Variants in EFCAB5 observed in about 807,000 individuals in gnomAD.
EFCAB5 encodes the protein EF-hand calcium binding domain 5.
EFCAB5 carries 131 observed loss-of-function variants against 167.9 expected under a neutral mutation model. The ratio of observed to expected loss-of-function variants is 0.78; its 90% CI spans 0.68 to 0.90. EFCAB5 has a LOEUF of 0.90. Among genes scored for constraint, EFCAB5 ranks in the 40% least tolerant of loss-of-function variants. The pLI, the probability that EFCAB5 is intolerant of heterozygous loss-of-function variation, is 0.00. For synonymous variants in EFCAB5, 574 were observed against 602.8 expected, an observed-to-expected ratio of 0.95 and a Z score of 0.70; for missense variants, 1,663 against 1,745.2, an observed-to-expected ratio of 0.95 and a Z score of 0.84.
chr17:30,042,499 A>G (rs1467765863), intron 8 of EFCAB5, among the ~76,000 whole-genome samples: 3 of 152,224 alleles, frequency 2.0e-5, no homozygotes, highest in African/African-American at 4.8e-5. Flanking sequence ...ATGATAGGAA[A>G]CATTATGAAC....
chr17:30,092,234 A>G, intron 21 of EFCAB5, 77 bp downstream of exon 21: 2 of 1,429,658 alleles, frequency 1.4e-6, no homozygotes, highest in Non-Finnish European at 1.9e-6. Flanking sequence ...TCATAATTGC[A>G]TAAATCATAA....
chr17:29,946,481 G>C (rs537847164), intron 3 of EFCAB5, among the ~76,000 whole-genome samples: 2 of 136,442 alleles, frequency 1.5e-5, no homozygotes, highest in East Asian at 4.2e-4. Context: ...CTGTCACCCA[G>C]GCTGGAGTGC....
At chr17:30,081,062 G>A (rs983606005) in intron 17 of EFCAB5, 81 bp downstream of exon 17, 7 of 1,094,830 alleles carry the variant, frequency 6.4e-6, no homozygotes, top group African/African-American at 1.6e-5. Flanking sequence ...CCTGAAATCC[G>A]ATGAGAGTAA....
intron 3 of EFCAB5, among the ~76,000 whole-genome samples, chr17:29,961,357 A>G (rs2067716310): frequency 6.6e-6 from 1 of 152,154 alleles, no homozygotes; most frequent in Non-Finnish European, 1.5e-5. Flanking sequence ...CTGAATATTA[A>G]TTCCTTATCA....
chr17:29,960,127 C>CA (rs1319272399), intron 3 of EFCAB5, among the ~76,000 whole-genome samples: 2 of 152,166 alleles, frequency 1.3e-5, no homozygotes, highest in African/African-American at 4.8e-5. Flanking sequence ...CGTGACAATG[C>CA]AAAATCCCAC....
intron 3 of EFCAB5, among the ~76,000 whole-genome samples, chr17:29,955,558 C>T (rs577064420): frequency 4.5e-4 from 69 of 152,032 alleles, no homozygotes; most frequent in African/African-American, 1.5e-3. Context: ...TTATAAATTA[C>T]CCAGTCTGGG....
At chr17:29,991,845 T>A (rs905054577) in intron 4 of EFCAB5, among the ~76,000 whole-genome samples, 4 of 152,218 alleles carry the variant, frequency 2.6e-5, no homozygotes, top group Non-Finnish European at 5.9e-5. Flanking sequence ...AACCTTGCCT[T>A]TTCAGTATAT....
intron 8 of EFCAB5, among the ~76,000 whole-genome samples, 160 bp downstream of exon 8, chr17:30,034,545 A>G (rs1238266554): frequency 3.3e-5 from 5 of 152,242 alleles, no homozygotes; most frequent in African/African-American, 1.2e-4. Flanking sequence ...CAAAATAGAT[A>G]CAAACTTTAC....
At chr17:29,964,260 A>T (rs2067780668) in intron 3 of EFCAB5, among the ~76,000 whole-genome samples, 2 of 152,116 alleles carry the variant, frequency 1.3e-5, no homozygotes, top group Admixed American at 1.3e-4. Context: ...GTTATCCAAT[A>T]TGTTAGCATA....
chr17:30,057,584 T>G, intron 12 of EFCAB5, 92 bp from the exon 13 acceptor site: 1 of 1,051,172 alleles, frequency 9.5e-7, no homozygotes. Flanking sequence ...CAGTCAAAAA[T>G]GGCAGATATT....
chr17:29,998,291 G>A (rs1174753093), intron 6 of EFCAB5, among the ~76,000 whole-genome samples: 2 of 152,200 alleles, frequency 1.3e-5, no homozygotes, highest in Non-Finnish European at 2.9e-5. Flanking sequence ...GAAGGAGTGA[G>A]TTAAGAGAAC....
chr17:30,037,314 C>A (rs1238367383), intron 8 of EFCAB5, among the ~76,000 whole-genome samples: 2 of 152,028 alleles, frequency 1.3e-5, no homozygotes, highest in East Asian at 3.8e-4. Context: ...TCTGGGAGTA[C>A]CCCCAAGAAG....
At chr17:29,964,211 A>G (rs978739107) in intron 3 of EFCAB5, among the ~76,000 whole-genome samples, 5 of 152,138 alleles carry the variant, frequency 3.3e-5, no homozygotes, top group Non-Finnish European at 7.3e-5. Context: ...TTCTTGAGTC[A>G]GTTTAGGTAA....
chr17:29,975,027 A>AAAATAAAT (rs564610853), intron 4 of EFCAB5, among the ~76,000 whole-genome samples: 1 of 151,448 alleles, frequency 6.6e-6, no homozygotes, highest in African/African-American at 2.4e-5. Flanking sequence ...CCCTATCTCT[A>AAAATAAAT]AAATAAATAA....
intron 14 of EFCAB5, chr17:30,074,591 G>A (rs573789254): frequency 2.4e-4 from 37 of 152,140 alleles, no homozygotes; most frequent in African/African-American, 8.7e-4. Flanking sequence ...CCAGTTCTTA[G>A]CTATTATAAA....
At chr17:30,023,697 C>G (rs1019268993) in intron 7 of EFCAB5, among the ~76,000 whole-genome samples, 2 of 152,070 alleles carry the variant, frequency 1.3e-5, no homozygotes, top group Non-Finnish European at 2.9e-5. Context: ...CAGCATCATC[C>G]TGATACCAAA....
intron 5 of EFCAB5, among the ~76,000 whole-genome samples, chr17:29,995,033 C>T (rs1229091053): frequency 7.9e-5 from 12 of 152,126 alleles, no homozygotes. Context: ...CTGATGATTT[C>T]TCATTGAAAC....
At chr17:30,052,124 A>G (rs933630951) in intron 9 of EFCAB5, among the ~76,000 whole-genome samples, 4 of 151,486 alleles carry the variant, frequency 2.6e-5, no homozygotes, top group Non-Finnish European at 5.9e-5. Context: ...GTTTATTTTC[A>G]TTTTTTTTAA....
At chr17:30,090,267 C>A in intron 19 of EFCAB5, 154 bp from the exon 20 acceptor site, 1 of 971,662 alleles carries the variant, frequency 1.0e-6, no homozygotes, top group Non-Finnish European at 1.5e-6. Context: ...CATGTGAAAT[C>A]AAGGGCTAGA....
Sources: gnomAD v4.1 joint callset for allele counts (sites outside exome capture counted in the v4.1 genomes callset) on GRCh38, gnomAD v4.1.1 for gene constraint, MANE v1.5 for transcripts, NCBI Gene and HGNC (gene_info 2026-07-23, HGNC 2026-07-21) for gene names.